Variants in ADSS1 observed in about 807,000 individuals in gnomAD.
The protein encoded by ADSS1 is adenylosuccinate synthase 1.
A neutral mutation model predicts 59.1 loss-of-function variants in ADSS1; 57 were observed. That is an observed-to-expected ratio of 0.97 (90% CI 0.78 to 1.20). The LOEUF is 1.20. Among genes scored for constraint, ADSS1 ranks in the 50% most tolerant of loss-of-function variants. The probability of loss-of-function intolerance (pLI) is 0.00; values close to 1 mark genes in which losing one functional copy is unlikely to be tolerated. For missense variants in ADSS1, 603 were observed against 610.3 expected, an observed-to-expected ratio of 0.99 and a Z score of 0.13; for synonymous variants, 247 against 249.4, an observed-to-expected ratio of 0.99 and a Z score of 0.09.
rs1226287364 is a variant in ADSS1, at chr14:104,740,991, C to T, written c.666+71C>T. On this transcript the variant is annotated intron_variant, in intron 7 of 12. Coordinates refer to ENST00000330877, the MANE Select transcript of ADSS1 (RefSeq NM_152328.5). This position sits in a 1 kb window ranked among gnomAD's most constrained non-coding sequence, Gnocchi z 4.8. ...GGGAGGCTGGATGTCCTACCTGGTG[C>T]TCGTTGAACACCCTTGGGGCACACC... The T allele has an allele frequency of 6.2e-7, 1 of 1,606,282 alleles. No homozygotes were observed. Among genetic ancestry groups the T allele is most frequent in the East Asian group, 2.2e-5 (1 of 44,844 alleles).
chr14:104,726,303 A>T (rs1006992994), intron 1 of ADSS1, among the ~76,000 whole-genome samples: 3 of 152,218 alleles, frequency 2.0e-5, no homozygotes, highest in African/African-American at 7.2e-5. Context: ...TGGAGCCCTC[A>T]CTGGTGCCAC....
Position 104,740,935 on chromosome 14 carries a change from G to A in ADSS1, c.666+15G>A, listed in dbSNP as rs370413393. 6.8e-6 allele frequency: 11 copies of A among 1,613,654 alleles called. No individual in the cohort carries two copies. The highest frequency in any genetic ancestry group is 4.0e-5 in the African/African-American group (3 of 74,920). On this transcript the variant is annotated intron_variant, in intron 7 of 12. Coordinates refer to ENST00000330877, the MANE Select transcript of ADSS1 (RefSeq NM_152328.5). The surrounding 1 kb of genome is among the most constrained non-coding windows in gnomAD (Gnocchi z 4.8). ...AAAGGCTCAAGGTGAAGTCGGGGCC[G>A]CAGTGTGGGGGCTGCGGAAGTGCTC...
chr14:104,746,241 CAGG>C lies in ADSS1; in HGVS notation c.1180_1182del (p.Glu394del). On this transcript the variant is annotated inframe_deletion, in exon 12 of 13. Transcript: ENST00000330877. Reference sequence around the variant, plus strand: ...CTCCTGTGTGCTTCCCCCAGCTAACCAGGAGATGCTTCAGAAGGTCGAAGTTGA... The same window carrying C: ...CTCCTGTGTGCTTCCCCCAGCTAACCAGATGCTTCAGAAGGTCGAAGTTGA... 1 of 1,607,788 alleles carries C rather than the reference CAGG, an allele frequency of 6.2e-7. No homozygotes were observed. Among genetic ancestry groups the C allele is most frequent in the Non-Finnish European group, 8.5e-7 (1 of 1,175,258 alleles).
chr14:104,744,674 C>T (rs1320623242), intron 10 of ADSS1, 138 bp from the exon 11 acceptor site: 4 of 708,456 alleles, frequency 5.6e-6, no homozygotes, highest in Admixed American at 2.7e-5. Context: ...AACAGGCCAC[C>T]AACCAGTACT....
chr14:104,726,250 G>T (rs930164124), intron 1 of ADSS1, among the ~76,000 whole-genome samples: 6 of 152,378 alleles, frequency 3.9e-5, no homozygotes, highest in Non-Finnish European at 8.8e-5. Flanking sequence ...CCTTCACAGG[G>T]GAACAGAGGC....
chr14:104,746,047 C>A, intron 11 of ADSS1, 189 bp from the exon 12 acceptor site: 1 of 640,012 alleles, frequency 1.6e-6, no homozygotes, highest in Non-Finnish European at 2.6e-6. Flanking sequence ...CTGAGCCCCA[C>A]TGCTGTCCCC....
chr14:104,744,564 A>C, intron 10 of ADSS1: 1 of 529,848 alleles, frequency 1.9e-6, no homozygotes, highest in Middle Eastern at 5.1e-4. Context: ...CACAGTTCAC[A>C]ATAGGGTTCA....
chr14:104,728,729 C>T (rs762733478), intron 1 of ADSS1, among the ~76,000 whole-genome samples: 6 of 152,228 alleles, frequency 3.9e-5, no homozygotes, highest in African/African-American at 7.2e-5. Context: ...CCTCCCCCTG[C>T]GCTTGCCACT....
chr14:104,738,396 T>C lies in ADSS1; in HGVS notation c.316T>C (p.Leu106=), dbSNP rs1292016283. ...TGCAGGCAACGGGGTGGTCATCCACTTGCCAGGCTTGTTTGAGGAAGCAGA... is the reference window on the plus strand; with the variant it reads ...TGCAGGCAACGGGGTGGTCATCCACCTGCCAGGCTTGTTTGAGGAAGCAGA... The part of the protein sequence containing the change: ...SFIGNGVVIH[L]PGLFEEAEKN... Residue 106 remains leucine (L), a synonymous_variant, in exon 3 of 13, where the codon TTG becomes CTG. Transcript: ENST00000330877. 3 of 1,613,866 alleles carry C rather than the reference T, an allele frequency of 1.9e-6. No homozygotes were observed. The African/African-American group carries it at 4.0e-5, about 22-fold the overall frequency.
intron 1 of ADSS1, among the ~76,000 whole-genome samples, chr14:104,731,766 G>T (rs1890940008): frequency 6.6e-6 from 1 of 152,230 alleles, no homozygotes; most frequent in South Asian, 2.1e-4. Context: ...TCCCCATGAG[G>T]CAGGAAAGAC....
At chr14:104,743,516 C>A in intron 10 of ADSS1, 1 of 282,620 alleles carries the variant, frequency 3.5e-6, no homozygotes, top group South Asian at 4.0e-5. Flanking sequence ...CACTGTCATC[C>A]TGCTAGAAGG....
chr14:104,732,440 C>T (rs964464204), intron 1 of ADSS1, among the ~76,000 whole-genome samples: 1 of 152,206 alleles, frequency 6.6e-6, no homozygotes, highest in African/African-American at 2.4e-5. Context: ...GTCCTGGGCT[C>T]CCCAGAACTG....
Position 104,741,128 on chromosome 14 carries a change from G to A in ADSS1, c.678G>A (p.Glu226=), listed in dbSNP as rs147772910. ...GCCCTTCCTTGCAGGGCTTTGCTGA[G>A]CGGATCAGACCCATGGTCCGAGATG... is the stretch of plus-strand genomic sequence containing the variant. ...GQLKRLKGFA[E]RIRPMVRDGV... Residue 226 remains glutamate, a synonymous_variant, in exon 8 of 13, where the codon GAG becomes GAA. Transcript: ENST00000330877. The A allele has an allele frequency of 3.8e-5, 61 of 1,604,800 alleles. No homozygotes were observed. The African/African-American group carries it at 7.8e-4, about 20-fold the overall frequency.
chr14:104,727,340 C>A (rs572185157), intron 1 of ADSS1, among the ~76,000 whole-genome samples: 2 of 152,192 alleles, frequency 1.3e-5, no homozygotes, highest in African/African-American at 4.8e-5. Flanking sequence ...CACCTCACAC[C>A]TCGGCTGTCT....
In ADSS1 at chr14:104,741,057, A is replaced by ACGCAGGCCTCCCCTGC; in HGVS notation, c.667-58_667-43dup. 3 of 1,584,492 alleles carry ACGCAGGCCTCCCCTGC rather than the reference A, an allele frequency of 1.9e-6. No homozygotes were observed. In the African/African-American group the frequency reaches 4.0e-5, roughly 21 times the overall value. On this transcript the variant is annotated intron_variant, in intron 7 of 12. Transcript: ENST00000330877. ...TTATGGGCTGGCCAACCTTCTTGGG[A>ACGCAGGCCTCCCCTGC]CGCAGGCCTCCCCTGCCCCAGGCCA...
intron 1 of ADSS1, among the ~76,000 whole-genome samples, chr14:104,728,182 G>A (rs570227071): frequency 1.3e-5 from 2 of 152,168 alleles, no homozygotes; most frequent in East Asian, 3.9e-4. Context: ...ATCAGGTAAC[G>A]CTTTGCCTTA....
Position 104,746,964 on chromosome 14 carries a change from T to C in ADSS1, c.1335T>C (p.Gly445=), listed in dbSNP as rs969340755. 1.2e-6 allele frequency: 2 copies of C among 1,614,040 alleles called. No homozygotes were observed. The highest frequency in any genetic ancestry group is 2.7e-5 in the African/African-American group (2 of 74,924). ...CTGCTCTCTCAGTCAAATGGGTTGG[T>C]GTTGGCAAGTCAAGAGAGTCGATGA... ...NHVGVAVKWV[G]VGKSRESMIQ... Residue 445 remains glycine, a synonymous_variant, in exon 13 of 13, where the codon GGT becomes GGC. Transcript: ENST00000330877.
In ADSS1 at chr14:104,740,875, C is replaced by T; in HGVS notation, c.621C>T (p.Phe207=). The change falls in exon 7 of 13, where the codon TTC becomes TTT. Residue 207 remains phenylalanine (F), a synonymous_variant. Coordinates refer to ENST00000330877, the MANE Select transcript of ADSS1 (RefSeq NM_152328.5). This position sits in a 1 kb window ranked among gnomAD's most constrained non-coding sequence, Gnocchi z 4.8. ...KNLAHQHQSM[F]PTLEIDIEGQ... ...TGGCCCACCAGCACCAGTCGATGTTCCCCACCCTGGAAATAGACATTGAAG... is the reference window on the plus strand; with the variant it reads ...TGGCCCACCAGCACCAGTCGATGTTTCCCACCCTGGAAATAGACATTGAAG... 1 of 1,613,948 alleles carries T rather than the reference C, an allele frequency of 6.2e-7. No homozygotes were observed. Among genetic ancestry groups the T allele is most frequent in the Non-Finnish European group, 8.5e-7 (1 of 1,180,026 alleles).
intron 3 of ADSS1, among the ~76,000 whole-genome samples, chr14:104,739,084 C>T (rs930393924): frequency 6.6e-5 from 10 of 152,196 alleles, no homozygotes; most frequent in African/African-American, 2.4e-4. Flanking sequence ...TGGGCGAAGC[C>T]TGCAGGCACG....
Sources: allele counts gnomAD v4.1 joint callset (sites outside exome capture counted in the v4.1 genomes callset), GRCh38; gene constraint gnomAD v4.1.1; non-coding constraint Gnocchi (gnomAD v3.1); transcripts MANE v1.5; gene names NCBI Gene and HGNC (gene_info 2026-07-23, HGNC 2026-07-21).